PIKFYVE: variants seen among roughly 807,000 people sequenced by gnomAD.
PIKFYVE encodes 1-phosphatidylinositol 3-phosphate 5-kinase.
PIKFYVE carries 122 observed loss-of-function variants against 257.9 expected under a neutral mutation model. The observed-to-expected ratio is 0.47, with a 90% confidence interval of 0.41 to 0.55. The LOEUF (loss-of-function observed/expected upper bound fraction) is 0.55. Ranked by LOEUF, PIKFYVE falls within the 20% of genes least tolerant of loss-of-function variation. The pLI, the probability that PIKFYVE is intolerant of heterozygous loss-of-function variation, is 0.00. For synonymous variants in PIKFYVE, 892 were observed against 868.9 expected (o/e 1.03, Z -0.47); for missense variants, 2,160 against 2,536.6 (o/e 0.85, Z 3.19).
intron 16 of PIKFYVE, among the ~76,000 whole-genome samples, chr2:208,318,682 C>T (rs1275229696): frequency 6.6e-6 from 1 of 152,068 alleles, no homozygotes; most frequent in African/African-American, 2.4e-5. Context: ...TTAAAGTAGG[C>T]ACTAGGCTGA....
intron 3 of PIKFYVE, chr2:208,274,180 C>A: frequency 9.6e-7 from 1 of 1,037,668 alleles, no homozygotes; most frequent in Non-Finnish European, 1.5e-6. Flanking sequence ...TCTTGGCCTT[C>A]TGTCCTTGTT....
chr2:208,274,418 A>G (rs1198400269), intron 3 of PIKFYVE, among the ~76,000 whole-genome samples: 3 of 152,136 alleles, frequency 2.0e-5, no homozygotes, highest in Non-Finnish European at 4.4e-5. Flanking sequence ...GTGACAAAGG[A>G]AGTGGGAGGT....
At chr2:208,329,634 A>G (rs1376371757) in intron 21 of PIKFYVE, among the ~76,000 whole-genome samples, 1 of 152,226 alleles carries the variant, frequency 6.6e-6, no homozygotes, top group African/African-American at 2.4e-5. Flanking sequence ...ATAAGACACT[A>G]GTGGATTGGG....
chr2:208,305,807 GTAAA>G (rs147962703), intron 12 of PIKFYVE, among the ~76,000 whole-genome samples: 177 of 152,178 alleles, frequency 1.2e-3, no homozygotes, highest in African/African-American at 4.0e-3. Context: ...AAATACATGA[GTAAA>G]TAAATAAATG....
intron 5 of PIKFYVE, among the ~76,000 whole-genome samples, chr2:208,278,032 A>G (rs956031692): frequency 6.6e-6 from 1 of 152,212 alleles, no homozygotes; most frequent in African/African-American, 2.4e-5. Flanking sequence ...TTAAAAGGAC[A>G]GATCTTCCTT....
At chr2:208,301,732 G>A (rs7581075) in intron 9 of PIKFYVE, among the ~76,000 whole-genome samples, 141,648 of 152,282 alleles carry the variant, frequency 0.93, 66,408 homozygotes, top group Non-Finnish European at 0.98. Context: ...GAGGAAAATT[G>A]TGTGGTCCTG....
intron 17 of PIKFYVE, among the ~76,000 whole-genome samples, chr2:208,322,366 C>T (rs1316146513): frequency 9.0e-6 from 1 of 110,682 alleles, no homozygotes; most frequent in East Asian, 2.7e-4. Context: ...GAATGAGACC[C>T]TGTCTCTTAA....
Position 208,350,786 on chromosome 2 carries a change from A to G in PIKFYVE, c.5450A>G (p.Asn1817Ser). 6.2e-7 allele frequency: 1 copy of G among 1,614,190 alleles called. No individual in the cohort carries two copies. The highest frequency in any genetic ancestry group is 8.5e-7 in the Non-Finnish European group (1 of 1,180,044). ...TTGTTTATAGAATTTTCAGATGCTA[A>G]TGCCAAGTTTTACTGTCGGCTCTAC... ...PHVELQFSDA[N>S]AKFYCRLYYA... The change falls in exon 37 of 42, where the codon AAT (asparagine) becomes AGT (serine). Residue 1817 changes from asparagine (N) to serine (S), a missense_variant. Physicochemically the swap from Asn to Ser is conservative, Grantham distance 46. Around this residue, in one of 12 missense-constraint regions of PIKFYVE, gnomAD observed 699 missense variants for 855.8 expected, o/e 0.82. Transcript: ENST00000264380.
chr2:208,303,346 G>A (rs985901549), intron 10 of PIKFYVE, among the ~76,000 whole-genome samples: 1 of 151,774 alleles, frequency 6.6e-6, no homozygotes, highest in Non-Finnish European at 1.5e-5. Flanking sequence ...CTGACCCCCT[G>A]TATAGTTGAA....
chr2:208,298,553 C>A, intron 7 of PIKFYVE, 88 bp from the exon 8 acceptor site: 3 of 1,414,090 alleles, frequency 2.1e-6, no homozygotes, highest in Admixed American at 3.6e-5. Flanking sequence ...GGTAAATAAG[C>A]ATTTATTTAA....
chr2:208,306,691 A>C (rs1694355058), intron 12 of PIKFYVE, among the ~76,000 whole-genome samples: 2 of 152,166 alleles, frequency 1.3e-5, no homozygotes, highest in African/African-American at 4.8e-5. Context: ...GTGCAACCCC[A>C]GATTGTATCT....
chr2:208,338,462 T>C (rs964904530), intron 28 of PIKFYVE, 46 bp from the exon 29 acceptor site: 1 of 1,588,330 alleles, frequency 6.3e-7, no homozygotes, highest in Non-Finnish European at 8.6e-7. Flanking sequence ...TTTTTGAATG[T>C]GATTTTCATG....
At chr2:208,274,681 C>A (rs1001916651) in intron 3 of PIKFYVE, among the ~76,000 whole-genome samples, 2 of 152,282 alleles carry the variant, frequency 1.3e-5, no homozygotes, top group East Asian at 3.9e-4. Context: ...AGGGTTACAT[C>A]AGCCATTTGG....
rs142268257 is a variant in PIKFYVE, at chr2:208,329,288, G to A, written c.3720-554G>A. Among the ~76,000 whole-genome samples, 192 of 152,258 alleles carry A rather than the reference G, an allele frequency of 1.3e-3. 3 individuals are homozygous for A. The East Asian group carries it at 0.035, about 27-fold the overall frequency. ...GCTCATGGGTTCTTCTAGTAGTATAGCTTCAGCAGGAAGACTTGGGAGTGG... is the reference window on the plus strand; with the variant it reads ...GCTCATGGGTTCTTCTAGTAGTATAACTTCAGCAGGAAGACTTGGGAGTGG... On this transcript the variant is annotated intron_variant, in intron 21 of 41. Coordinates refer to ENST00000264380, the MANE Select transcript of PIKFYVE (RefSeq NM_015040.4).
chr2:208,271,099 A>G (rs1217055500), intron 1 of PIKFYVE, among the ~76,000 whole-genome samples: 2 of 152,016 alleles, frequency 1.3e-5, no homozygotes, highest in Non-Finnish European at 2.9e-5. Context: ...TGTGTGTTGT[A>G]TAACTAGCTT....
At position 208,329,928 on chromosome 2, in the gene PIKFYVE, C is replaced by T. The variant is rs1381299591; in HGVS notation, c.3791+15C>T. 6.2e-7 allele frequency: 1 copy of T among 1,608,904 alleles called. No individual in the cohort carries two copies. The highest frequency in any genetic ancestry group is 1.3e-5 in the African/African-American group (1 of 74,834). On this transcript the variant is annotated intron_variant, in intron 22 of 41. Coordinates refer to ENST00000264380, the MANE Select transcript of PIKFYVE (RefSeq NM_015040.4). The stretch of plus-strand genomic sequence containing the variant: ...TACTGTTTCAGGTAAGAACATATTT[C>T]TTCCTTCTGTTCCATTACACATTTT...
intron 36 of PIKFYVE, 67 bp downstream of exon 36, chr2:208,350,150 G>T: frequency 2.5e-6 from 4 of 1,593,072 alleles, no homozygotes; most frequent in South Asian, 1.1e-5. Flanking sequence ...TCTATTATTT[G>T]AGAATTCTAG....
At chr2:208,288,017 G>GT (rs1304948409) in intron 6 of PIKFYVE, among the ~76,000 whole-genome samples, 3 of 152,250 alleles carry the variant, frequency 2.0e-5, no homozygotes, top group East Asian at 1.9e-4. Flanking sequence ...GAAGTATAGA[G>GT]TTTTTTTAGT....
Position 208,301,074 on chromosome 2 carries a change from A to T in PIKFYVE, c.1188A>T (p.Arg396=). 1.9e-6 allele frequency: 3 copies of T among 1,614,176 alleles called. No individual in the cohort carries two copies. Among genetic ancestry groups the T allele is most frequent in the Non-Finnish European group, 2.5e-6 (3 of 1,180,002 alleles). The change falls in exon 9 of 42, where the codon CGA becomes CGT. Residue 396 remains arginine, a synonymous_variant. Coordinates refer to ENST00000264380, the MANE Select transcript of PIKFYVE (RefSeq NM_015040.4). ...AGGAATTAGTCAACTGGCTAATCCG[A>T]AATGGGCATATTGCCACAAGGTATT... ...VGKELVNWLI[R]NGHIATRAQA...
Sources: gnomAD v4.1 joint callset for allele counts (sites outside exome capture counted in the v4.1 genomes callset) on GRCh38, gnomAD v4.1.1 for gene constraint, gnomAD v4.1.1 regional missense constraint, MANE v1.5 for transcripts, NCBI Gene and HGNC (gene_info 2026-07-23, HGNC 2026-07-21) for gene names.